The following SLC44A3 variants were observed in gnomAD, a reference collection of about 807,000 sequenced individuals.
SLC44A3 encodes solute carrier family 44 member 3, also known as choline transporter-like protein 3.
In SLC44A3, 74 loss-of-function variants were observed where a neutral mutation model predicts 75.4. The ratio of observed to expected loss-of-function variants is 0.98; its 90% CI spans 0.81 to 1.19. SLC44A3 has a LOEUF of 1.19. SLC44A3 is among the 50% of genes most tolerant of loss of function. The probability of loss-of-function intolerance (pLI) is 0.00; values close to 1 mark genes in which losing one functional copy is unlikely to be tolerated. For synonymous variants in SLC44A3, 310 were observed against 296.9 expected (o/e 1.04, Z -0.45); for missense variants, 700 against 778.6 (o/e 0.90, Z 1.20).
chr1:94,870,415 A>G (rs1667629444), intron 12 of SLC44A3, among the ~76,000 whole-genome samples: 1 of 152,230 alleles, frequency 6.6e-6, no homozygotes, highest in Non-Finnish European at 1.5e-5. Context: ...TTTATATGAC[A>G]GTACAGAAAA....
Position 94,885,386 on chromosome 1 carries a change from G to A in SLC44A3, c.1483-5744G>A, listed in dbSNP as rs1483649725. On this transcript the variant is annotated intron_variant, in intron 12 of 14. Transcript: ENST00000271227. ...GCATCATGGAACATTGGAGTTGGTG[G>A]AAGTCTTTTCCAAGCAGCAAAGTGA... is the stretch of plus-strand genomic sequence containing the variant. 2.0e-5 allele frequency among the ~76,000 whole-genome samples: 3 copies of A among 152,234 alleles called. No individual in the cohort carries two copies. In the Middle Eastern group the frequency reaches 0.01, roughly 518 times the overall value.
At position 94,837,834 on chromosome 1, in the gene SLC44A3, A is replaced by G. The variant is rs1663029747; in HGVS notation, c.633A>G (p.Gly211=). The change falls in exon 6 of 15, where the codon GGA becomes GGG. Residue 211 remains glycine, a synonymous_variant. Coordinates refer to ENST00000271227, the MANE Select transcript of SLC44A3 (RefSeq NM_001114106.3). The part of the protein sequence containing the change: ...LHRILSGIMS[G]RDTILGLCIL... ...GAATTCTAAGTGGAATCATGTCGGG[A>G]AGAGATACAATCCTTGGCCTGTGTA... 3.1e-6 allele frequency: 5 copies of G among 1,611,186 alleles called. No homozygotes were observed. In the East Asian group the frequency reaches 8.9e-5, roughly 29 times the overall value.
intron 10 of SLC44A3, among the ~76,000 whole-genome samples, chr1:94,864,091 T>C (rs1316475530): frequency 6.6e-6 from 1 of 152,190 alleles, no homozygotes; most frequent in East Asian, 1.9e-4. Context: ...CCCATTCTGT[T>C]CTTTCTCACT....
At chr1:94,870,514 G>A (rs1244124169) in intron 12 of SLC44A3, among the ~76,000 whole-genome samples, 2 of 152,158 alleles carry the variant, frequency 1.3e-5, no homozygotes, top group African/African-American at 4.8e-5. Context: ...TCTGTAATTA[G>A]GGGAAATTTC....
chr1:94,820,693 A>G, intron 1 of SLC44A3: 1 of 1,380,698 alleles, frequency 7.2e-7, no homozygotes, highest in Non-Finnish European at 9.3e-7. Flanking sequence ...GCGGGGCGCA[A>G]ACTTGGGGTC....
At chr1:94,828,932 T>C (rs1661739267) in intron 5 of SLC44A3, among the ~76,000 whole-genome samples, 1 of 152,116 alleles carries the variant, frequency 6.6e-6, no homozygotes, top group Non-Finnish European at 1.5e-5. Context: ...TCCAATTATT[T>C]ATTGCAAAGT....
chr1:94,846,623 G>A (rs2101103610), intron 9 of SLC44A3, among the ~76,000 whole-genome samples: 1 of 152,348 alleles, frequency 6.6e-6, no homozygotes, highest in South Asian at 2.1e-4. Context: ...AGGTTAGACA[G>A]CTTTTCTGTG....
chr1:94,893,734 A>T (rs1670471436), intron 14 of SLC44A3, among the ~76,000 whole-genome samples: 1 of 152,146 alleles, frequency 6.6e-6, no homozygotes, highest in South Asian at 2.1e-4. Context: ...ACTCTAAGGA[A>T]AGTGCTTATG....
At chr1:94,867,240 A>T in intron 11 of SLC44A3, 91 bp from the exon 12 acceptor site, 1 of 1,082,396 alleles carries the variant, frequency 9.2e-7, no homozygotes, top group Non-Finnish European at 1.3e-6. Context: ...CCAGGTGCAT[A>T]AGTAAAAACT....
At chr1:94,893,702 G>GT (rs1670467522) in intron 14 of SLC44A3, among the ~76,000 whole-genome samples, 2 of 151,994 alleles carry the variant, frequency 1.3e-5, no homozygotes, top group African/African-American at 4.8e-5. Context: ...CTTTTTACTT[G>GT]TTTATTGACT....
chr1:94,853,702 C>T (rs995788784), intron 9 of SLC44A3, among the ~76,000 whole-genome samples: 4 of 152,062 alleles, frequency 2.6e-5, no homozygotes, highest in Non-Finnish European at 5.9e-5. Context: ...CTCAGTGAAA[C>T]AGGAGGTAAG....
At chr1:94,845,892 T>C (rs1664335292) in intron 9 of SLC44A3, among the ~76,000 whole-genome samples, 1 of 152,174 alleles carries the variant, frequency 6.6e-6, no homozygotes, top group Admixed American at 6.5e-5. Flanking sequence ...CTCATGCCTG[T>C]AATCCCAGCA....
intron 12 of SLC44A3, among the ~76,000 whole-genome samples, chr1:94,868,277 G>A (rs1248202494): frequency 1.9e-4 from 29 of 152,144 alleles, no homozygotes; most frequent in Non-Finnish European, 2.9e-5. Context: ...ATCTCACTTA[G>A]AAAAGTATTT....
intron 12 of SLC44A3, among the ~76,000 whole-genome samples, chr1:94,881,894 C>T (rs1669042905): frequency 6.6e-6 from 1 of 151,402 alleles, no homozygotes; most frequent in Non-Finnish European, 1.5e-5. Context: ...GTGGCACGTG[C>T]CTGTAGTCCC....
At position 94,828,533 on chromosome 1, in the gene SLC44A3, T is replaced by C. The variant is rs2640065; in HGVS notation, c.456T>C (p.Tyr152=). 0.2 allele frequency: 330,063 copies of C among 1,612,740 alleles called. 35,013 individuals carry two copies. The highest frequency in any genetic ancestry group is 0.26 in the South Asian group (23,737 of 90,876). The change falls in exon 5 of 15, where the codon TAT becomes TAC. Residue 152 remains tyrosine (Y), a synonymous_variant. Transcript: ENST00000271227. Reference sequence around the variant, plus strand: ...TTTATAGTTTGAATTCCTTCAACTATACCCACAGTCCAAAAGCAGACTCAC... The same window carrying C: ...TTTATAGTTTGAATTCCTTCAACTACACCCACAGTCCAAAAGCAGACTCAC... ...LCVYSLNSFN[Y]THSPKADSLC...
chr1:94,824,684 CT>C (rs769671455), intron 3 of SLC44A3, 49 bp downstream of exon 3: 9 of 1,485,360 alleles, frequency 6.1e-6, no homozygotes, highest in Middle Eastern at 3.8e-4. Flanking sequence ...TACCTCAAAA[CT>C]TTGTATAAAT....
intron 3 of SLC44A3, among the ~76,000 whole-genome samples, chr1:94,826,740 T>A (rs1661405566): frequency 6.6e-6 from 1 of 152,134 alleles, no homozygotes; most frequent in Admixed American, 6.5e-5. Context: ...CCAGGAAATC[T>A]GTTCCTCATC....
intron 12 of SLC44A3, among the ~76,000 whole-genome samples, chr1:94,880,814 C>T (rs1404580700): frequency 6.8e-6 from 1 of 147,054 alleles, no homozygotes; most frequent in East Asian, 2.0e-4. Context: ...ATCTGTTGCA[C>T]AACAATGTGA....
rs1228083064 is a variant in SLC44A3 at position 94,892,441 on chromosome 1, T to G, written c.1781T>G (p.Phe594Cys). The G allele has an allele frequency of 6.2e-7, 1 of 1,614,096 alleles. No individual in the cohort carries two copies. Among genetic ancestry groups the G allele is most frequent in the Non-Finnish European group, 8.5e-7 (1 of 1,180,042 alleles). ...SVFETVLDALFLCFAVDLETN... is the reference protein window; with the variant it reads ...SVFETVLDALCLCFAVDLETN... ...TTTGAAACTGTGCTGGATGCACTTT[T>G]CCTGTGTTTTGCTGTTGATCTGGAA... The change falls in exon 14 of 15, where the codon TTC (phenylalanine) becomes TGC (cysteine). Residue 594 changes from phenylalanine to cysteine, a missense_variant. Physicochemically the swap from Phe to Cys is radical, Grantham distance 205. Coordinates refer to ENST00000271227, the MANE Select transcript of SLC44A3 (RefSeq NM_001114106.3).
Sources: allele counts gnomAD v4.1 joint callset (sites outside exome capture counted in the v4.1 genomes callset), GRCh38; gene constraint gnomAD v4.1.1; transcripts MANE v1.5; gene names NCBI Gene and HGNC (gene_info 2026-07-23, HGNC 2026-07-21).